The following CFDP1 variants were observed in gnomAD, a reference collection of about 807,000 sequenced individuals.
The protein encoded by CFDP1 is chromatin remodeling protein CFDP1.
A neutral mutation model predicts 40.1 loss-of-function variants in CFDP1; 31 were observed. The ratio of observed to expected loss-of-function variants is 0.77; its 90% CI spans 0.58 to 1.04. CFDP1 has a LOEUF of 1.04. Among genes scored for constraint, CFDP1 ranks in the 50% least tolerant of loss-of-function variants. The probability of loss-of-function intolerance (pLI) is 0.00; values close to 1 mark genes in which losing one functional copy is unlikely to be tolerated. For missense variants in CFDP1, 423 were observed against 343.4 expected (o/e 1.23, Z -1.83); for synonymous variants, 167 against 120.0 (o/e 1.39, Z -2.56).
intron 4 of CFDP1, among the ~76,000 whole-genome samples, chr16:75,397,215 T>C (rs1312835555): frequency 6.6e-6 from 1 of 150,970 alleles, no homozygotes; most frequent in African/African-American, 2.4e-5. Flanking sequence ...CGCCCAGCGT[T>C]TTTTTGTTTT....
At chr16:75,421,765 G>A (rs1252612793) in intron 1 of CFDP1, among the ~76,000 whole-genome samples, 3 of 152,160 alleles carry the variant, frequency 2.0e-5, no homozygotes, top group East Asian at 1.9e-4. Flanking sequence ...ACTACAGATC[G>A]ATATCCCTCA....
At chr16:75,367,189 C>T (rs1409312807) in intron 5 of CFDP1, among the ~76,000 whole-genome samples, 5 of 146,344 alleles carry the variant, frequency 3.4e-5, no homozygotes, top group Non-Finnish European at 7.5e-5. Flanking sequence ...AAAAAAATTA[C>T]TACAAATTAT....
Position 75,395,082 on chromosome 16 carries a change from A to G in CFDP1, c.650+8T>C. On this transcript the variant is annotated splice_region_variant and intron_variant, in intron 5 of 6. Coordinates refer to ENST00000283882, the MANE Select transcript of CFDP1 (RefSeq NM_006324.3). ...AAGTACATCAGGGAGTGAGACTCAA[A>G]TACTCACCCTGACCCGGCAGGGAGT... 6.2e-7 allele frequency: 1 copy of G among 1,613,492 alleles called. No individual in the cohort carries two copies. The highest frequency in any genetic ancestry group is 8.5e-7 in the Non-Finnish European group (1 of 1,179,650).
chr16:75,388,319 T>A lies in CFDP1; in HGVS notation c.650+6771A>T, dbSNP rs554620438. On this transcript the variant is annotated intron_variant, in intron 5 of 6. Transcript: ENST00000283882. ...ATAAATAGACATTATTTATTCTTTA[T>A]AAAAGGGTAAAGAATATTTAACCTG... 9.2e-5 allele frequency among the ~76,000 whole-genome samples: 14 copies of A among 152,326 alleles called. No individual in the cohort carries two copies. In the South Asian group the frequency reaches 2.9e-3, roughly 32 times the overall value.
intron 6 of CFDP1, among the ~76,000 whole-genome samples, chr16:75,298,446 G>A (rs1193879848): frequency 6.6e-6 from 1 of 152,208 alleles, no homozygotes; most frequent in African/African-American, 2.4e-5. Context: ...ACCTGAGGCA[G>A]TCACTGAGGA....
At chr16:75,396,556 T>C (rs746128848) in intron 4 of CFDP1, among the ~76,000 whole-genome samples, 1 of 102,490 alleles carries the variant, frequency 9.8e-6, no homozygotes, top group African/African-American at 2.9e-5. Flanking sequence ...AATAAATAAA[T>C]TGAGAAGACT....
intron 5 of CFDP1, among the ~76,000 whole-genome samples, chr16:75,338,293 G>A (rs2078503708): frequency 6.6e-6 from 1 of 152,108 alleles, no homozygotes; most frequent in Non-Finnish European, 1.5e-5. Context: ...TGTTTCCAGG[G>A]GACCACTGGG....
intron 5 of CFDP1, among the ~76,000 whole-genome samples, chr16:75,358,172 T>C (rs1762756086): frequency 6.6e-6 from 1 of 152,118 alleles, no homozygotes; most frequent in South Asian, 2.1e-4. Flanking sequence ...ATTTGAGATA[T>C]TATGAGAATT....
In CFDP1 at chr16:75,414,531, T is replaced by C. The variant is rs201907584; in HGVS notation, c.182+47A>G. On this transcript the variant is annotated intron_variant, in intron 2 of 6. Coordinates refer to ENST00000283882, the MANE Select transcript of CFDP1 (RefSeq NM_006324.3). ...AGACCAATCTTAGCAATCAGGATGG[T>C]TGTGACAATAGCCCCTAACTTCTAA... The C allele has an allele frequency of 4.5e-4, 509 of 1,121,024 alleles. 5 individuals carry two copies. Among genetic ancestry groups the C allele is most frequent in the Admixed American group, 6.7e-4 (39 of 58,464 alleles). 69.4% of individuals were successfully genotyped at this position (1,121,024 alleles called of 1,614,324 possible).
intron 5 of CFDP1, among the ~76,000 whole-genome samples, chr16:75,340,815 T>C (rs1476219641): frequency 6.6e-6 from 1 of 152,154 alleles, no homozygotes; most frequent in Non-Finnish European, 1.5e-5. Flanking sequence ...AGAAAGCTTT[T>C]AAGGATGAGG....
chr16:75,337,551 AAAG>A (rs1183447133), intron 5 of CFDP1, among the ~76,000 whole-genome samples: 2 of 152,212 alleles, frequency 1.3e-5, no homozygotes, highest in African/African-American at 4.8e-5. Flanking sequence ...TTTATACAAA[AAAG>A]AAGTTTAATT....
chr16:75,355,795 G>C (rs2078640918), intron 5 of CFDP1, among the ~76,000 whole-genome samples: 1 of 152,184 alleles, frequency 6.6e-6, no homozygotes, highest in Non-Finnish European at 1.5e-5. Flanking sequence ...ACCCTGTGAA[G>C]AGGTGCCTTC....
chr16:75,328,411 C>T (rs961578120), intron 5 of CFDP1, among the ~76,000 whole-genome samples: 2 of 147,432 alleles, frequency 1.4e-5, no homozygotes, highest in African/African-American at 2.5e-5. Flanking sequence ...ATGGTGAAAC[C>T]CCGTCTCATC....
intron 5 of CFDP1, among the ~76,000 whole-genome samples, chr16:75,335,500 T>C (rs2078480290): frequency 6.6e-6 from 1 of 151,764 alleles, no homozygotes; most frequent in South Asian, 2.1e-4. Context: ...TCACAGACTA[T>C]CTCCCCTTCA....
intron 5 of CFDP1, among the ~76,000 whole-genome samples, chr16:75,376,452 T>C (rs534174701): frequency 7.4e-4 from 112 of 152,278 alleles, no homozygotes; most frequent in African/African-American, 2.1e-3. Context: ...CTCAAATACA[T>C]GTTCTTTCAC....
At position 75,293,970 on chromosome 16, in the gene CFDP1, C is replaced by T. The variant is rs1485114505; in HGVS notation, c.882G>A (p.Leu294=). The change falls in exon 7 of 7, where the codon CTG becomes CTA. Residue 294 remains leucine (L), a synonymous_variant. Transcript: ENST00000283882. ...CGTAACATCAAGGTTTCATTTTGCT[C>T]AGCCTGAGATCTCGCTCAATTTCAA... ...RQFEIERDLR[L]SKMKP The T allele has an allele frequency of 1.2e-6, 2 of 1,614,100 alleles. No homozygotes were observed. The highest frequency in any genetic ancestry group is 2.2e-5 in the East Asian group (1 of 44,880).
chr16:75,373,544 A>G (rs1005652151), intron 5 of CFDP1, among the ~76,000 whole-genome samples: 2 of 152,188 alleles, frequency 1.3e-5, no homozygotes, highest in African/African-American at 2.4e-5. Flanking sequence ...CATTCTACCT[A>G]AACTCACTGT....
At chr16:75,340,113 A>G (rs960390727) in intron 5 of CFDP1, among the ~76,000 whole-genome samples, 12 of 152,234 alleles carry the variant, frequency 7.9e-5, no homozygotes, top group African/African-American at 2.9e-4. Context: ...TTGTAAGACA[A>G]ATGTAACGCC....
At chr16:75,297,943 C>T (rs1432662762) in intron 6 of CFDP1, among the ~76,000 whole-genome samples, 1 of 152,250 alleles carries the variant, frequency 6.6e-6, no homozygotes, top group East Asian at 1.9e-4. Context: ...CATCCCAAAT[C>T]CAAAAATCCG....
Sources: gnomAD v4.1 joint callset for allele counts (sites outside exome capture counted in the v4.1 genomes callset) on GRCh38, gnomAD v4.1.1 for gene constraint, MANE v1.5 for transcripts, NCBI Gene and HGNC (gene_info 2026-07-23, HGNC 2026-07-21) for gene names.